Variants in PHF21B observed in about 807,000 individuals in gnomAD.
PHF21B encodes PHD finger protein 4.
In PHF21B, 22 loss-of-function variants were observed where a neutral mutation model predicts 62.2. That is an observed-to-expected ratio of 0.35 (90% CI 0.25 to 0.51). The LOEUF (loss-of-function observed/expected upper bound fraction) is 0.51, where lower values mean the gene tolerates loss of function less well. PHF21B is among the 20% of genes least tolerant of loss of function. The pLI is 0.97. For missense variants in PHF21B, 701 were observed against 707.9 expected (o/e 0.99, Z 0.11); for synonymous variants, 341 against 314.7 (o/e 1.08, Z -0.88).
chr22:44,984,650 A>C (rs1407467086), intron 2 of PHF21B, among the ~76,000 whole-genome samples: 1 of 152,222 alleles, frequency 6.6e-6, no homozygotes, highest in Non-Finnish European at 1.5e-5. Context: ...CGTGACATAC[A>C]TGCTTATTTG....
chr22:44,899,285 CTTTTTTTTTTT>C (rs71188499), intron 5 of PHF21B, among the ~76,000 whole-genome samples: 1 of 97,560 alleles, frequency 1.0e-5, no homozygotes, highest in Non-Finnish European at 2.1e-5. Flanking sequence ...TGTTCTTATT[CTTTTTTTTTTT>C]TTTTTTTTTT....
intron 2 of PHF21B, among the ~76,000 whole-genome samples, chr22:44,930,574 G>T (rs2071721671): frequency 6.6e-6 from 1 of 151,872 alleles, no homozygotes; most frequent in South Asian, 2.1e-4. Flanking sequence ...TGGTGGGAGG[G>T]GCAGAGGCAC....
intron 2 of PHF21B, chr22:44,933,496 AGAT>A: frequency 1.0e-6 from 1 of 985,464 alleles, no homozygotes; most frequent in Non-Finnish European, 1.2e-6. Context: ...CCTTGTGCAC[AGAT>A]GAGAGGTTCT....
At chr22:44,896,437 G>C (rs1419652123) in intron 5 of PHF21B, among the ~76,000 whole-genome samples, 1 of 152,120 alleles carries the variant, frequency 6.6e-6, no homozygotes, top group Non-Finnish European at 1.5e-5. Flanking sequence ...CAGGGAAATA[G>C]GATTCCCAAA....
At chr22:44,993,551 C>A (rs1182875893) in intron 2 of PHF21B, among the ~76,000 whole-genome samples, 1 of 152,274 alleles carries the variant, frequency 6.6e-6, no homozygotes, top group Non-Finnish European at 1.5e-5. Flanking sequence ...ACCGCTCCCA[C>A]ACACGGCAAC....
intron 2 of PHF21B, among the ~76,000 whole-genome samples, chr22:44,922,774 A>G (rs2071560472): frequency 1.3e-5 from 2 of 152,254 alleles, no homozygotes; most frequent in South Asian, 4.1e-4. Flanking sequence ...ATAGCTATAT[A>G]AGACCTGTAC....
intron 2 of PHF21B, among the ~76,000 whole-genome samples, chr22:44,980,854 A>G (rs2072828366): frequency 6.6e-6 from 1 of 152,208 alleles, no homozygotes; most frequent in African/African-American, 2.4e-5. Flanking sequence ...AGGAAGCAGC[A>G]TCTGTCACCC....
At chr22:44,904,269 G>A (rs940516844) in intron 5 of PHF21B, among the ~76,000 whole-genome samples, 8 of 151,396 alleles carry the variant, frequency 5.3e-5, no homozygotes, top group Non-Finnish European at 1.0e-4. Context: ...CCTTTTATCT[G>A]CTTTGTAAAA....
intron 2 of PHF21B, among the ~76,000 whole-genome samples, chr22:44,986,014 G>A (rs1001756770): frequency 3.2e-5 from 4 of 125,458 alleles, no homozygotes; most frequent in Non-Finnish European, 6.9e-5. Flanking sequence ...ACCATCACCA[G>A]CAGCAGCACC....
At position 44,882,743 on chromosome 22, in the gene PHF21B, C is replaced by T; in HGVS notation, c.*343G>A. The T allele has an allele frequency of 7.6e-6, 2 of 263,760 alleles. No homozygotes were observed. Among genetic ancestry groups the T allele is most frequent in the Non-Finnish European group, 1.4e-5 (2 of 139,152 alleles). 16.3% of individuals were successfully genotyped at this position (263,760 alleles called of 1,614,324 possible). A position where few individuals can be genotyped will look rare whatever the true frequency, so the allele number is the denominator to read the frequency against. On this transcript the variant is annotated 3_prime_UTR_variant, in exon 13 of 13. Transcript: ENST00000313237. ...GGCGTGCTTGTCCCCTCCACAGCCTCAGCCTGCCCCTCCAACGGGCCAGAG... is the reference window on the plus strand; with the variant it reads ...GGCGTGCTTGTCCCCTCCACAGCCTTAGCCTGCCCCTCCAACGGGCCAGAG...
intron 2 of PHF21B, among the ~76,000 whole-genome samples, chr22:44,959,324 G>A (rs759345019): frequency 4.6e-5 from 7 of 152,260 alleles, no homozygotes; most frequent in African/African-American, 1.2e-4. Flanking sequence ...TGTGATTCAC[G>A]CCTTAACTAC....
chr22:45,000,791 A>G (rs1569285053), intron 2 of PHF21B: 1 of 152,098 alleles, frequency 6.6e-6, no homozygotes, highest in Non-Finnish European at 1.5e-5. Flanking sequence ...CAACAAGACA[A>G]AAGTGCCCAG....
intron 5 of PHF21B, among the ~76,000 whole-genome samples, chr22:44,905,174 G>A (rs563230167): frequency 6.6e-6 from 1 of 152,288 alleles, no homozygotes; most frequent in East Asian, 1.9e-4. Flanking sequence ...CCTGCTGAAA[G>A]CCCCATGAGG....
intron 2 of PHF21B, chr22:45,001,860 A>G (rs1323781812): frequency 6.6e-6 from 1 of 152,232 alleles, no homozygotes; most frequent in Non-Finnish European, 1.5e-5. Flanking sequence ...CACCTCCGTG[A>G]GCACACCTCG....
intron 2 of PHF21B, among the ~76,000 whole-genome samples, chr22:44,984,224 TCAC>T (rs2072904954): frequency 9.9e-5 from 2 of 20,234 alleles, no homozygotes; most frequent in East Asian, 1.6e-3. Flanking sequence ...ACCACCACCA[TCAC>T]CATCACCACC....
chr22:44,916,600 G>C lies in PHF21B; in HGVS notation c.244C>G (p.Leu82Val). Residue 82 changes from leucine to valine, a missense_variant, in exon 4 of 13, where the codon CTC becomes GTC. Leu to Val is a conservative substitution (Grantham distance 32). Coordinates refer to ENST00000313237, the MANE Select transcript of PHF21B (RefSeq NM_138415.5). ...VRPKTLIPDS[L>V]PVAPGRDRPP... ...CGGTCCCGGCCCGGGGCAACGGGGA[G>C]GCTGTCTGGAATCAGAGTCTTTGGC... is the stretch of plus-strand genomic sequence containing the variant. 1 of 1,603,540 alleles carries C rather than the reference G, an allele frequency of 6.2e-7. No homozygotes were observed. Among genetic ancestry groups the C allele is most frequent in the Non-Finnish European group, 8.5e-7 (1 of 1,179,946 alleles).
At chr22:44,938,016 C>A in intron 2 of PHF21B, among the ~76,000 whole-genome samples, 1 of 152,260 alleles carries the variant, frequency 6.6e-6, no homozygotes. Flanking sequence ...ACTCATCCAG[C>A]AGTACAATCA....
Position 44,945,822 on chromosome 22 carries a change from G to C in PHF21B, c.121-25332C>G, listed in dbSNP as rs146671474. On this transcript the variant is annotated intron_variant, in intron 2 of 12. Coordinates refer to ENST00000313237, the MANE Select transcript of PHF21B (RefSeq NM_138415.5). ...ACCTGAGTCTGGGGCTCCAAAGGGG[G>C]CTGAGTGCCTCCCAGATGGTACCAG... Among the ~76,000 whole-genome samples, 1,093 of 152,220 alleles carry C rather than the reference G, an allele frequency of 7.2e-3. 16 individuals are homozygous for C. Among genetic ancestry groups the C allele is most frequent in the African/African-American group, 0.025 (1,022 of 41,520 alleles).
intron 2 of PHF21B, among the ~76,000 whole-genome samples, chr22:44,990,529 CTGAG>C (rs2073026864): frequency 6.6e-6 from 1 of 152,048 alleles, no homozygotes; most frequent in Admixed American, 6.5e-5. Flanking sequence ...GTGAATTACG[CTGAG>C]TAAGAGTATA....
Sources: allele counts gnomAD v4.1 joint callset (sites outside exome capture counted in the v4.1 genomes callset), GRCh38; gene constraint gnomAD v4.1.1; transcripts MANE v1.5; gene names NCBI Gene and HGNC (gene_info 2026-07-23, HGNC 2026-07-21).